The following PLXDC2 variants were observed in gnomAD, a reference collection of about 807,000 sequenced individuals.
PLXDC2 encodes plexin domain-containing protein 2.
PLXDC2 carries 40 observed loss-of-function variants against 68.9 expected under a neutral mutation model. The ratio of observed to expected loss-of-function variants is 0.58; its 90% CI spans 0.45 to 0.76. The LOEUF is 0.76. Ranked by LOEUF, PLXDC2 falls within the 30% of genes least tolerant of loss-of-function variation. The pLI is 0.00. For synonymous variants in PLXDC2, 243 were observed against 234.2 expected (o/e 1.04, Z -0.34); for missense variants, 644 against 661.9 (o/e 0.97, Z 0.30).
At chr10:20,031,464 C>G (rs1052013946) in intron 2 of PLXDC2, among the ~76,000 whole-genome samples, 2 of 152,120 alleles carry the variant, frequency 1.3e-5, no homozygotes, top group Non-Finnish European at 2.9e-5. Flanking sequence ...ATTTGATTCA[C>G]TATTCAGTTT....
chr10:20,027,437 A>T lies in PLXDC2; in HGVS notation c.325-19432A>T, dbSNP rs139068150. On this transcript the variant is annotated intron_variant, in intron 2 of 13. Transcript: ENST00000377252. ...CCCTCCTGCCTTCTACTATGTGAGG[A>T]TGCAACGAGAAGGCCCACACAGGTG... Among the ~76,000 whole-genome samples the T allele has an allele frequency of 2.6e-5, 4 of 152,264 alleles. No individual in the cohort carries two copies. The East Asian group carries it at 7.7e-4, about 29-fold the overall frequency.
chr10:19,926,934 A>T (rs1833546131), intron 1 of PLXDC2, among the ~76,000 whole-genome samples: 1 of 152,174 alleles, frequency 6.6e-6, no homozygotes, highest in Admixed American at 6.5e-5. Context: ...CTCAATGTGA[A>T]TCATGATTGT....
chr10:19,853,355 T>G (rs548709510), intron 1 of PLXDC2, among the ~76,000 whole-genome samples: 91 of 152,318 alleles, frequency 6.0e-4, no homozygotes, highest in African/African-American at 2.1e-3. Flanking sequence ...TTTACCACTT[T>G]GCTATAACAA....
chr10:20,269,745 T>C (rs1588553792), intron 13 of PLXDC2, among the ~76,000 whole-genome samples: 1 of 152,126 alleles, frequency 6.6e-6, no homozygotes, highest in Non-Finnish European at 1.5e-5. Flanking sequence ...GGGCCTGGCA[T>C]GATGGCTCAC....
At chr10:20,020,472 C>G (rs1835289445) in intron 2 of PLXDC2, among the ~76,000 whole-genome samples, 1 of 151,874 alleles carries the variant, frequency 6.6e-6, no homozygotes, top group Non-Finnish European at 1.5e-5. Context: ...TACAGTTTCT[C>G]TTTCTTCATT....
intron 1 of PLXDC2, among the ~76,000 whole-genome samples, chr10:19,859,020 G>A (rs1367176513): frequency 8.2e-5 from 9 of 109,462 alleles, no homozygotes; most frequent in African/African-American, 3.6e-4. Context: ...GAAAAGCAGC[G>A]AGAGAGAGAG....
In PLXDC2 at chr10:20,164,500, C is replaced by G. The variant is rs747331165; in HGVS notation, c.816C>G (p.Thr272=). 152 of 1,613,522 alleles carry G rather than the reference C, an allele frequency of 9.4e-5. No homozygotes were observed. The highest frequency in any genetic ancestry group is 1.2e-4 in the Non-Finnish European group (141 of 1,179,754). The change falls in exon 7 of 14, where the codon ACC becomes ACG. Residue 272 remains threonine, a synonymous_variant. Coordinates refer to ENST00000377252, the MANE Select transcript of PLXDC2 (RefSeq NM_032812.9). ...IPVLVTQISS[T]NHPVKVGLSD... is the part of the protein sequence containing the mutation. Reference sequence around the variant, plus strand: ...TCTTGGTCACACAGATAAGTTCAACCAATCATCCAGTGAAAGTCGGACTGT... The same window carrying G: ...TCTTGGTCACACAGATAAGTTCAACGAATCATCCAGTGAAAGTCGGACTGT...
intron 2 of PLXDC2, among the ~76,000 whole-genome samples, chr10:20,027,659 C>T (rs1835426199): frequency 6.7e-6 from 1 of 149,754 alleles, no homozygotes; most frequent in African/African-American, 2.5e-5. Flanking sequence ...AAGATACTTT[C>T]TCTCAACACT....
intron 13 of PLXDC2, among the ~76,000 whole-genome samples, chr10:20,265,878 T>C (rs529277988): frequency 5.3e-5 from 8 of 152,300 alleles, no homozygotes; most frequent in African/African-American, 1.9e-4. Context: ...TTTTGACAAT[T>C]ACGTGTGCCT....
intron 1 of PLXDC2, among the ~76,000 whole-genome samples, chr10:19,878,183 A>ATT (rs61093467): frequency 2.1e-4 from 31 of 150,716 alleles, no homozygotes; most frequent in African/African-American, 4.4e-4. Flanking sequence ...GGCATCACAT[A>ATT]TTTTTTTTTA....
intron 1 of PLXDC2, among the ~76,000 whole-genome samples, chr10:19,831,215 C>T (rs1836685464): frequency 6.6e-6 from 1 of 152,120 alleles, no homozygotes; most frequent in African/African-American, 2.4e-5. Flanking sequence ...TCTTTCTTCT[C>T]TGTTGGTTTT....
chr10:20,033,475 A>G (rs1272624957), intron 2 of PLXDC2, among the ~76,000 whole-genome samples: 3 of 152,190 alleles, frequency 2.0e-5, no homozygotes, highest in African/African-American at 7.2e-5. Flanking sequence ...CTCTCATGCT[A>G]CTAAATAAAG....
At chr10:20,231,733 G>C (rs1835367459) in intron 12 of PLXDC2, among the ~76,000 whole-genome samples, 4 of 151,958 alleles carry the variant, frequency 2.6e-5, no homozygotes, top group African/African-American at 9.7e-5. Context: ...TCAAAGCCTG[G>C]AGCTGGGCAC....
chr10:19,901,383 G>A (rs1026609086), intron 1 of PLXDC2, among the ~76,000 whole-genome samples: 1 of 152,082 alleles, frequency 6.6e-6, no homozygotes, highest in African/African-American at 2.4e-5. Context: ...CAGGAGTGAG[G>A]TGGTATTGCC....
At chr10:20,144,873 G>A (rs905711163) in intron 5 of PLXDC2, among the ~76,000 whole-genome samples, 9 of 152,110 alleles carry the variant, frequency 5.9e-5, no homozygotes, top group African/African-American at 2.2e-4. Context: ...AAATCATAAA[G>A]CATATTAAAT....
chr10:20,123,629 G>A (rs1423241930), intron 4 of PLXDC2, among the ~76,000 whole-genome samples: 1 of 151,574 alleles, frequency 6.6e-6, no homozygotes, highest in Non-Finnish European at 1.5e-5. Context: ...AATGGAGGGT[G>A]GAAGGTTGCC....
intron 13 of PLXDC2, among the ~76,000 whole-genome samples, chr10:20,252,997 G>A (rs1289186422): frequency 6.6e-6 from 1 of 151,676 alleles, no homozygotes; most frequent in African/African-American, 2.4e-5. Context: ...ACTTTTTATG[G>A]AGCTCTAGAT....
chr10:20,208,007 A>T (rs1396483781), intron 9 of PLXDC2, among the ~76,000 whole-genome samples: 4 of 152,188 alleles, frequency 2.6e-5, no homozygotes, highest in African/African-American at 9.6e-5. Flanking sequence ...AAAACAAGTT[A>T]AAAATAATAA....
intron 1 of PLXDC2, among the ~76,000 whole-genome samples, chr10:19,961,925 C>A (rs1834159786): frequency 6.6e-6 from 1 of 152,144 alleles, no homozygotes; most frequent in African/African-American, 2.4e-5. Flanking sequence ...TCTGTTGTGG[C>A]AATTGGAGTA....
Sources: gnomAD v4.1 joint callset for allele counts (sites outside exome capture counted in the v4.1 genomes callset) on GRCh38, gnomAD v4.1.1 for gene constraint, MANE v1.5 for transcripts, NCBI Gene and HGNC (gene_info 2026-07-23, HGNC 2026-07-21) for gene names.